Variants in ARIH1 observed in about 807,000 individuals in gnomAD.
The protein encoded by ARIH1 is ariadne RBR E3 ubiquitin protein ligase 1.
In ARIH1, 8 loss-of-function variants were observed where a neutral mutation model predicts 85.0. The observed-to-expected ratio is 0.09, with a 90% CI of 0.06 to 0.17. ARIH1 has a LOEUF of 0.17. ARIH1 is among the 10% of genes least tolerant of loss of function. ARIH1 has a pLI of 1.00. For missense variants in ARIH1, 311 were observed against 718.1 expected (o/e 0.43, Z 6.48); for synonymous variants, 238 against 253.6 (o/e 0.94, Z 0.59).
At chr15:72,542,927 CT>C (rs771255824) in intron 2 of ARIH1, among the ~76,000 whole-genome samples, 1,965 of 139,012 alleles carry the variant, frequency 0.014, 27 homozygotes, top group African/African-American at 0.037. Context: ...TTTATATTAT[CT>C]TTTTTTTTTT....
intron 2 of ARIH1, among the ~76,000 whole-genome samples, chr15:72,544,014 A>G (rs1007661286): frequency 4.6e-5 from 7 of 152,140 alleles, no homozygotes; most frequent in African/African-American, 1.7e-4. Context: ...TCTTCTGTCC[A>G]GAGGTTTGCT....
intron 11 of ARIH1, among the ~76,000 whole-genome samples, chr15:72,573,298 C>T (rs1376062219): frequency 1.4e-4 from 22 of 152,168 alleles, no homozygotes. Flanking sequence ...TGGTGGCTCA[C>T]ACCTGTAATC....
chr15:72,539,581 A>G (rs1032658849), intron 2 of ARIH1, among the ~76,000 whole-genome samples: 1 of 152,260 alleles, frequency 6.6e-6, no homozygotes, highest in African/African-American at 2.4e-5. Context: ...GTAAGTAGCA[A>G]CTGGTAAACA....
intron 1 of ARIH1, among the ~76,000 whole-genome samples, chr15:72,494,413 T>A (rs148322977): frequency 6.6e-6 from 1 of 152,100 alleles, no homozygotes; most frequent in African/African-American, 2.4e-5. Context: ...GCAGATGGGG[T>A]TAGAGGTGGC....
At chr15:72,511,807 T>C (rs558222293) in intron 1 of ARIH1, among the ~76,000 whole-genome samples, 2 of 152,192 alleles carry the variant, frequency 1.3e-5, no homozygotes, top group South Asian at 4.1e-4. Context: ...TGACTGAGAG[T>C]GACTGGGCAG....
chr15:72,542,704 T>C (rs2064112800), intron 2 of ARIH1, among the ~76,000 whole-genome samples: 1 of 152,172 alleles, frequency 6.6e-6, no homozygotes, highest in Non-Finnish European at 1.5e-5. Flanking sequence ...TAGGGACACA[T>C]GTCTGTGTGG....
intron 2 of ARIH1, among the ~76,000 whole-genome samples, chr15:72,534,360 G>A (rs2064071493): frequency 6.6e-6 from 1 of 151,732 alleles, no homozygotes; most frequent in Non-Finnish European, 1.5e-5. Flanking sequence ...GCAGTCTTCT[G>A]TTTCTTGTCC....
chr15:72,485,034 C>G (rs2063832177), intron 1 of ARIH1, among the ~76,000 whole-genome samples: 1 of 152,188 alleles, frequency 6.6e-6, no homozygotes. Context: ...TACTAGTTTA[C>G]ATTCCCACCA....
intron 5 of ARIH1, among the ~76,000 whole-genome samples, chr15:72,556,209 T>TA (rs3841570): frequency 0.74 from 112,382 of 152,100 alleles, 47,610 homozygotes; most frequent in Non-Finnish European, 0.93. Flanking sequence ...GAATAAAAGG[T>TA]GAAACTGACT....
chr15:72,495,774 A>G (rs920671346), intron 1 of ARIH1, among the ~76,000 whole-genome samples: 1 of 152,124 alleles, frequency 6.6e-6, no homozygotes. Flanking sequence ...CAATATTTAT[A>G]CTGGCTTGAG....
At chr15:72,572,290 T>TGCA in intron 11 of ARIH1, 125 bp downstream of exon 11, 3 of 655,864 alleles carry the variant, frequency 4.6e-6, no homozygotes, top group Non-Finnish European at 7.7e-6. Flanking sequence ...CAGGCTGGAG[T>TGCA]ATAGTGGCAT....
At chr15:72,481,063 A>C (rs915547567) in intron 1 of ARIH1, among the ~76,000 whole-genome samples, 1 of 152,238 alleles carries the variant, frequency 6.6e-6, no homozygotes, top group African/African-American at 2.4e-5. Context: ...GAGGGTGTAC[A>C]AGCCTGTGCA....
intron 1 of ARIH1, among the ~76,000 whole-genome samples, chr15:72,493,638 T>G (rs2063868188): frequency 6.6e-6 from 1 of 152,206 alleles, no homozygotes; most frequent in Admixed American, 6.5e-5. Flanking sequence ...ACTAGTTAGC[T>G]CTGAGTAGAA....
chr15:72,560,109 T>C (rs562959371), intron 5 of ARIH1, among the ~76,000 whole-genome samples: 9 of 152,340 alleles, frequency 5.9e-5, no homozygotes, highest in African/African-American at 1.4e-4. Flanking sequence ...CTGTGAAATA[T>C]GGAGATTTAC....
In ARIH1 at chr15:72,585,825, T is replaced by TG. The variant is rs773445732; in HGVS notation, c.*2534dup. 2 of 152,190 alleles carry TG rather than the reference T, an allele frequency of 1.3e-5. No individual in the cohort carries two copies. Among genetic ancestry groups the TG allele is most frequent in the African/African-American group, 2.4e-5 (1 of 41,448 alleles). 9.4% of individuals were successfully genotyped at this position (152,190 alleles called of 1,614,324 possible). On this transcript the variant is annotated 3_prime_UTR_variant, in exon 14 of 14. Coordinates refer to ENST00000379887, the MANE Select transcript of ARIH1 (RefSeq NM_005744.5). ...ATTTGACAGAATTCCCAGAGTGAAT[T>TG]GCTTGTGTTATTAGTAGATTCAGTG...
chr15:72,517,757 A>T (rs1327187887), intron 1 of ARIH1, among the ~76,000 whole-genome samples: 2 of 151,968 alleles, frequency 1.3e-5, no homozygotes, highest in Non-Finnish European at 2.9e-5. Flanking sequence ...CTGATGTGGC[A>T]GTCTGCTGAA....
intron 1 of ARIH1, among the ~76,000 whole-genome samples, chr15:72,516,512 C>T (rs2063975696): frequency 6.6e-6 from 1 of 152,142 alleles, no homozygotes; most frequent in African/African-American, 2.4e-5. Flanking sequence ...AAACGTATAA[C>T]TTAGGATCAG....
intron 1 of ARIH1, among the ~76,000 whole-genome samples, chr15:72,504,128 C>T (rs2063914723): frequency 1.3e-5 from 2 of 152,208 alleles, no homozygotes; most frequent in Admixed American, 6.5e-5. Flanking sequence ...GATCTTGGCT[C>T]ACTGCAACCT....
chr15:72,572,220 A>G, intron 11 of ARIH1, 55 bp downstream of exon 11: 1 of 1,223,918 alleles, frequency 8.2e-7, no homozygotes, highest in Non-Finnish European at 1.2e-6. Flanking sequence ...TTGTATATTC[A>G]TATTCATTAG....
Sources: allele counts gnomAD v4.1 joint callset (sites outside exome capture counted in the v4.1 genomes callset), GRCh38; gene constraint gnomAD v4.1.1; transcripts MANE v1.5; gene names NCBI Gene and HGNC (gene_info 2026-07-23, HGNC 2026-07-21).